The following ACADS variants were observed in gnomAD, a reference collection of about 807,000 sequenced individuals.
ACADS encodes acyl-CoA dehydrogenase short chain, also known as short-chain specific acyl-CoA dehydrogenase, mitochondrial.
In ACADS, 28 loss-of-function variants were observed where a neutral mutation model predicts 46.8. That is an observed-to-expected ratio of 0.60 (90% confidence interval 0.44 to 0.82). ACADS has a LOEUF of 0.82. Ranked by LOEUF, ACADS falls within the 40% of genes least tolerant of loss-of-function variation. The pLI is 0.00. For synonymous variants in ACADS, 236 were observed against 237.7 expected (o/e 0.99, Z 0.07); for missense variants, 528 against 578.0 (o/e 0.91, Z 0.89).
chr12:120,726,962 G>A, intron 1 of ACADS, 64 bp from the exon 2 acceptor site: 3 of 1,585,082 alleles, frequency 1.9e-6, no homozygotes, highest in Non-Finnish European at 2.6e-6. Flanking sequence ...TGAGTTAGTG[G>A]GTCACTAGGA....
At position 120,739,572 on chromosome 12, in the gene ACADS, C is replaced by A; in HGVS notation, c.*124C>A. The A allele has an allele frequency of 1.8e-6, 2 of 1,142,118 alleles. No individual in the cohort carries two copies. The highest frequency in any genetic ancestry group is 1.2e-6 in the Non-Finnish European group (1 of 804,484). The allele number at this position is 1,142,118 out of a possible 1,614,324, so 70.7% of individuals were successfully genotyped here. ...CTGGGGACCCCAGATGGGCTCAGTG[C>A]TGCCACCCAGATCAGATCACATGGG... On this transcript the variant is annotated 3_prime_UTR_variant, in exon 10 of 10. Transcript: ENST00000242592.
chr12:120,739,058 G>A, intron 8 of ACADS, 82 bp from the exon 9 acceptor site: 1 of 1,601,870 alleles, frequency 6.2e-7, no homozygotes, highest in Non-Finnish European at 8.5e-7. Flanking sequence ...GGCTCCACAG[G>A]CCTCCCCTGC....
chr12:120,737,332 G>T (rs760380153), intron 3 of ACADS, 24 bp from the exon 4 acceptor site: 1 of 1,608,986 alleles, frequency 6.2e-7, no homozygotes, highest in South Asian at 1.1e-5. Context: ...TGGGGCCTCC[G>T]ACCGCTCCCC....
intron 2 of ACADS, among the ~76,000 whole-genome samples, chr12:120,727,639 T>A (rs1273407667): frequency 6.6e-6 from 1 of 152,080 alleles, no homozygotes; most frequent in Non-Finnish European, 1.5e-5. Context: ...TGAGTTCAAG[T>A]GATTCTCCTG....
At chr12:120,734,470 C>T (rs1191118487) in intron 2 of ACADS, among the ~76,000 whole-genome samples, 1 of 152,200 alleles carries the variant, frequency 6.6e-6, no homozygotes, top group Non-Finnish European at 1.5e-5. Context: ...TGACGCTCCG[C>T]CCCGCACTTA....
intron 5 of ACADS, 35 bp from the exon 6 acceptor site, chr12:120,738,245 G>A (rs1279629278): frequency 6.2e-7 from 1 of 1,613,800 alleles, no homozygotes; most frequent in Admixed American, 1.7e-5. Context: ...TGGCTGAGGG[G>A]CAGCTCTGAG....
At position 120,737,420 on chromosome 12, in the gene ACADS, C is replaced by G. The variant is rs148297461; in HGVS notation, c.425C>G (p.Pro142Arg). The G allele has an allele frequency of 9.3e-6, 15 of 1,614,076 alleles. No homozygotes were observed. Among genetic ancestry groups the G allele is most frequent in the African/African-American group, 1.3e-5 (1 of 74,948 alleles). Reference sequence around the variant, plus strand: ...GAGCAGAAGCAGGCGTGGGTCACGCCTTTCACCAGTGGTGACAAAATTGGC... The same window carrying G: ...GAGCAGAAGCAGGCGTGGGTCACGCGTTTCACCAGTGGTGACAAAATTGGC... ...SKEQKQAWVT[P>R]FTSGDKIGCF... The change falls in exon 4 of 10, where the codon CCT becomes CGT. Residue 142 changes from proline to arginine, a missense_variant. Coordinates refer to ENST00000242592, the MANE Select transcript of ACADS (RefSeq NM_000017.4).
chr12:120,729,776 A>G (rs1174649009), intron 2 of ACADS, among the ~76,000 whole-genome samples: 6 of 152,140 alleles, frequency 3.9e-5, no homozygotes, highest in Non-Finnish European at 5.9e-5. Context: ...CAGAGTGAGA[A>G]GGCCTGGGAA....
chr12:120,726,441 C>A (rs1883086513), intron 1 of ACADS, among the ~76,000 whole-genome samples: 1 of 152,218 alleles, frequency 6.6e-6, no homozygotes, highest in Non-Finnish European at 1.5e-5. Context: ...AATACAGTAC[C>A]TTTCCCATCT....
intron 3 of ACADS, 63 bp downstream of exon 3, chr12:120,737,198 C>T: frequency 1.3e-6 from 2 of 1,548,030 alleles, no homozygotes; most frequent in Non-Finnish European, 1.7e-6. Context: ...AGCGGGCAGG[C>T]TCTGGCCTCG....
At position 120,737,433 on chromosome 12, in the gene ACADS, TG is replaced by T; in HGVS notation, c.439del (p.Asp147ThrfsTer33). The T allele has an allele frequency of 6.2e-7, 1 of 1,614,170 alleles. No individual in the cohort carries two copies. Among genetic ancestry groups the T allele is most frequent in the Non-Finnish European group, 8.5e-7 (1 of 1,180,012 alleles). On this transcript the variant is annotated frameshift_variant, in exon 4 of 10. Transcript: ENST00000242592. LOFTEE classifies it high-confidence loss of function. ...QAWVTPFTSG[D>X]KIGCFALSEP... is the part of the protein sequence containing the mutation. ...CGTGGGTCACGCCTTTCACCAGTGG[TG>T]ACAAAATTGGCTGCTTTGCCCTCAG...
chr12:120,739,094 G>A, intron 8 of ACADS, 46 bp from the exon 9 acceptor site: 1 of 1,612,140 alleles, frequency 6.2e-7, no homozygotes, highest in East Asian at 2.2e-5. Flanking sequence ...GCAGGGGATG[G>A]AGGGGTCCCC....
At chr12:120,735,346 C>T (rs1883396393) in intron 2 of ACADS, among the ~76,000 whole-genome samples, 1 of 125,370 alleles carries the variant, frequency 8.0e-6, no homozygotes, top group Non-Finnish European at 1.6e-5. Flanking sequence ...GTGCGCAGTC[C>T]TTAAAAAAAA....
intron 2 of ACADS, among the ~76,000 whole-genome samples, chr12:120,735,228 T>C (rs7312316): frequency 0.51 from 70,387 of 136,844 alleles, 18,600 homozygotes; most frequent in South Asian, 0.63. Flanking sequence ...GCCGAGACTG[T>C]GCCACTGCAC....
chr12:120,737,674 C>A, intron 4 of ACADS, 163 bp from the exon 5 acceptor site: 1 of 1,140,040 alleles, frequency 8.8e-7, no homozygotes, highest in Non-Finnish European at 1.2e-6. Context: ...CTGCACACCC[C>A]CCTCGCCCTC....
At position 120,739,835 on chromosome 12, in the gene ACADS, A is replaced by G. The variant is rs11065238; in HGVS notation, c.*387A>G. 6,564 of 265,658 alleles carry G rather than the reference A, an allele frequency of 0.025. 464 individuals carry two copies. In the East Asian group the frequency reaches 0.25, roughly 10 times the overall value. 16.5% of individuals were successfully genotyped at this position (265,658 alleles called of 1,614,324 possible). On this transcript the variant is annotated 3_prime_UTR_variant, in exon 10 of 10. Coordinates refer to ENST00000242592, the MANE Select transcript of ACADS (RefSeq NM_000017.4). The stretch of plus-strand genomic sequence containing the variant: ...CTTTTCCTTGAGGTCAGAGGTCAGG[A>G]GCAGGGCTGGGGTCAGGATGACGAG...
intron 2 of ACADS, among the ~76,000 whole-genome samples, chr12:120,732,616 C>T (rs1224462988): frequency 2.0e-3 from 300 of 151,624 alleles, no homozygotes; most frequent in African/African-American, 6.9e-3. Context: ...CTCCTCACAT[C>T]CCAGACGGGG....
At position 120,728,341 on chromosome 12, in the gene ACADS, G is replaced by A. The variant is rs1484324331; in HGVS notation, c.210+1152G>A. On this transcript the variant is annotated intron_variant, in intron 2 of 9. Transcript: ENST00000242592. The surrounding 1 kb of genome is among the most constrained non-coding windows in gnomAD (Gnocchi z 4.0). ...TTGCATTCAGTCTGTCTGCAGCTAC[G>A]CGTTGAAGATGTTACTGCCGTACAC... 5.3e-5 allele frequency among the ~76,000 whole-genome samples: 8 copies of A among 152,076 alleles called. No homozygotes were observed. The highest frequency in any genetic ancestry group is 1.2e-4 in the Non-Finnish European group (8 of 68,028).
rs1018117461 is a variant in ACADS at position 120,737,136 on chromosome 12, G to A, written c.360+1G>A. ...CGGAGTCATCATGAGTGTCAACAAC[G>A]TGAGCCCCCTCCCAGGCCCCTGGGA... On this transcript the variant is annotated splice_donor_variant, in intron 3 of 9. Transcript: ENST00000242592. LOFTEE classifies it high-confidence loss of function. 1.6e-5 allele frequency: 26 copies of A among 1,579,106 alleles called. No individual in the cohort carries two copies. The highest frequency in any genetic ancestry group is 2.2e-5 in the Non-Finnish European group (25 of 1,161,470).
Sources: allele counts gnomAD v4.1 joint callset (sites outside exome capture counted in the v4.1 genomes callset), GRCh38; gene constraint gnomAD v4.1.1; non-coding constraint Gnocchi (gnomAD v3.1); transcripts MANE v1.5; gene names NCBI Gene and HGNC (gene_info 2026-07-23, HGNC 2026-07-21).